Variants in NRG3 observed in about 807,000 individuals in gnomAD.
The protein encoded by NRG3 is neuregulin 3.
Under a neutral mutation model 66.9 loss-of-function variants are expected in NRG3, and 31 were observed. The ratio of observed to expected loss-of-function variants is 0.46; its 90% CI spans 0.35 to 0.63. The LOEUF (loss-of-function observed/expected upper bound fraction) is 0.63. Among genes scored for constraint, NRG3 ranks in the 20% least tolerant of loss-of-function variants. The pLI is 0.00. For synonymous variants in NRG3, 393 were observed against 359.4 expected (o/e 1.09, Z -1.06); for missense variants, 910 against 878.9 (o/e 1.04, Z -0.45).
chr10:82,317,631 A>G (rs1311724166), intron 1 of NRG3, among the ~76,000 whole-genome samples: 1 of 152,126 alleles, frequency 6.6e-6, no homozygotes, highest in Non-Finnish European at 1.5e-5. Context: ...GGCTCTCCAT[A>G]CTGCTTCAAG....
At chr10:82,947,386 T>TG (rs1285613690) in intron 4 of NRG3, among the ~76,000 whole-genome samples, 2 of 152,144 alleles carry the variant, frequency 1.3e-5, no homozygotes, top group Admixed American at 6.5e-5. Flanking sequence ...ATTTCCAGTT[T>TG]GGGGGGCTAT....
At chr10:82,256,957 C>T (rs1297551615) in intron 1 of NRG3, among the ~76,000 whole-genome samples, 4 of 152,018 alleles carry the variant, frequency 2.6e-5, no homozygotes, top group Non-Finnish European at 5.9e-5. Context: ...GGTCATGGTC[C>T]GTGGAATTGC....
chr10:82,520,237 C>T (rs1360673501), intron 2 of NRG3, among the ~76,000 whole-genome samples: 1 of 150,692 alleles, frequency 6.6e-6, no homozygotes, highest in African/African-American at 2.4e-5. Flanking sequence ...TTTCTGTCCA[C>T]ATCCATTAAG....
chr10:82,699,872 T>C (rs944357421), intron 2 of NRG3, among the ~76,000 whole-genome samples: 1 of 152,124 alleles, frequency 6.6e-6, no homozygotes, highest in Non-Finnish European at 1.5e-5. Flanking sequence ...TGTGTGTGTG[T>C]GTGTGTGTGC....
intron 1 of NRG3, among the ~76,000 whole-genome samples, chr10:82,057,354 C>G (rs1293900674): frequency 1.3e-5 from 2 of 152,178 alleles, no homozygotes; most frequent in African/African-American, 4.8e-5. Context: ...GTTACACATG[C>G]ATGATTTATA....
intron 2 of NRG3, among the ~76,000 whole-genome samples, chr10:82,552,277 A>G (rs956180465): frequency 1.3e-5 from 2 of 152,150 alleles, no homozygotes; most frequent in Non-Finnish European, 2.9e-5. Flanking sequence ...AAAGCCAGAT[A>G]TTTACCAGTT....
intron 2 of NRG3, among the ~76,000 whole-genome samples, chr10:82,507,966 T>G (rs10509455): frequency 0.067 from 10,249 of 152,288 alleles, 518 homozygotes; most frequent in Middle Eastern, 0.11. Flanking sequence ...CATGGTACCT[T>G]GCCTATCCAA....
At chr10:82,553,416 T>C (rs1164373826) in intron 2 of NRG3, among the ~76,000 whole-genome samples, 1 of 152,134 alleles carries the variant, frequency 6.6e-6, no homozygotes, top group African/African-American at 2.4e-5. Context: ...TTATATCATA[T>C]CCATCTTTCT....
At chr10:82,564,766 A>T (rs2133053044) in intron 2 of NRG3, among the ~76,000 whole-genome samples, 1 of 152,204 alleles carries the variant, frequency 6.6e-6, no homozygotes, top group East Asian at 1.9e-4. Context: ...TAAAAGAAAA[A>T]AAAATATGGC....
intron 3 of NRG3, among the ~76,000 whole-genome samples, chr10:82,800,064 T>G (rs2060972803): frequency 6.6e-6 from 1 of 152,164 alleles, no homozygotes; most frequent in Admixed American, 6.5e-5. Context: ...TTCCTGCCTT[T>G]GGTTCTCTTT....
intron 1 of NRG3, among the ~76,000 whole-genome samples, chr10:82,283,249 G>A (rs968155948): frequency 6.6e-6 from 1 of 152,048 alleles, no homozygotes; most frequent in Admixed American, 6.6e-5. Context: ...GTTGTGTGTT[G>A]GCCTCTGGTG....
intron 1 of NRG3, among the ~76,000 whole-genome samples, chr10:82,322,816 CAG>C (rs886284729): frequency 6.6e-6 from 1 of 152,124 alleles, no homozygotes; most frequent in Non-Finnish European, 1.5e-5. Context: ...TTTTATATCA[CAG>C]AGTTATATTA....
At chr10:82,498,722 C>T (rs1400000660) in intron 2 of NRG3, among the ~76,000 whole-genome samples, 2 of 152,020 alleles carry the variant, frequency 1.3e-5, no homozygotes, top group South Asian at 2.1e-4. Flanking sequence ...CTTTAGTTGT[C>T]GATGAAGAGG....
chr10:81,881,361 A>T (rs1020374084), intron 1 of NRG3, among the ~76,000 whole-genome samples: 5 of 151,902 alleles, frequency 3.3e-5, no homozygotes, highest in Admixed American at 6.5e-5. Flanking sequence ...GGAAAAAAAT[A>T]CTCCTTTAGG....
intron 4 of NRG3, among the ~76,000 whole-genome samples, chr10:82,901,867 C>A (rs1844254778): frequency 1.3e-5 from 2 of 152,190 alleles, no homozygotes; most frequent in South Asian, 2.1e-4. Flanking sequence ...TTAGTAATCA[C>A]CATGCTTTAG....
chr10:82,176,900 C>CACAT (rs1470745773), intron 1 of NRG3, among the ~76,000 whole-genome samples: 1 of 151,334 alleles, frequency 6.6e-6, no homozygotes, highest in Non-Finnish European at 1.5e-5. Flanking sequence ...CACACACACA[C>CACAT]ACACAAACAC....
chr10:82,418,398 G>C (rs554461605), intron 2 of NRG3, among the ~76,000 whole-genome samples: 1 of 145,650 alleles, frequency 6.9e-6, no homozygotes, highest in Non-Finnish European at 1.5e-5. Flanking sequence ...TTATGCAAAT[G>C]TTTATGCAAA....
intron 2 of NRG3, among the ~76,000 whole-genome samples, chr10:82,552,625 T>C (rs182531212): frequency 6.6e-6 from 1 of 152,262 alleles, no homozygotes; most frequent in African/African-American, 2.4e-5. Context: ...CTAGATGAGA[T>C]AAAACTGCAA....
intron 1 of NRG3, among the ~76,000 whole-genome samples, chr10:82,198,556 A>G (rs12769829): frequency 0.49 from 74,187 of 151,962 alleles, 19,474 homozygotes; most frequent in Middle Eastern, 0.66. Flanking sequence ...TTATCAACCT[A>G]GGTTAATTGG....
Sources: gnomAD v4.1 joint callset for allele counts (sites outside exome capture counted in the v4.1 genomes callset) on GRCh38, gnomAD v4.1.1 for gene constraint, MANE v1.5 for transcripts, NCBI Gene and HGNC (gene_info 2026-07-23, HGNC 2026-07-21) for gene names.